The following PTPRD variants were observed in gnomAD, a reference collection of about 807,000 sequenced individuals.
PTPRD encodes receptor-type tyrosine-protein phosphatase delta.
In PTPRD, 34 loss-of-function variants were observed where a neutral mutation model predicts 214.5. That is an observed-to-expected ratio of 0.16 (90% CI 0.12 to 0.21). PTPRD has a LOEUF of 0.21. Among genes scored for constraint, PTPRD ranks in the 10% least tolerant of loss-of-function variants. The pLI, the probability that PTPRD is intolerant of heterozygous loss-of-function variation, is 1.00. For synonymous variants in PTPRD, 1,128 were observed against 845.7 expected (o/e 1.33, Z -5.79); for missense variants, 2,545 against 2,398.7 (o/e 1.06, Z -1.27).
intron 12 of PTPRD, among the ~76,000 whole-genome samples, chr9:8,728,554 G>C (rs1272754788): frequency 6.6e-6 from 1 of 152,186 alleles, no homozygotes; most frequent in Non-Finnish European, 1.5e-5. Context: ...TCTGCCTACT[G>C]AAATGTATGC....
intron 8 of PTPRD, among the ~76,000 whole-genome samples, chr9:9,456,602 A>T (rs1569568492): frequency 6.6e-6 from 1 of 151,886 alleles, no homozygotes; most frequent in Non-Finnish European, 1.5e-5. Context: ...TTAGCCTCTA[A>T]CTATCACCTC....
intron 3 of PTPRD, among the ~76,000 whole-genome samples, chr9:10,182,771 G>A (rs540564208): frequency 1.3e-5 from 2 of 152,256 alleles, no homozygotes; most frequent in South Asian, 4.1e-4. Context: ...TCAAGTGGGT[G>A]TATAAATTAG....
chr9:9,851,275 G>A (rs986753363), intron 5 of PTPRD, among the ~76,000 whole-genome samples: 2 of 152,208 alleles, frequency 1.3e-5, no homozygotes, highest in Non-Finnish European at 2.9e-5. Context: ...GGTTAATGCA[G>A]TATCGTATTG....
chr9:8,574,641 T>C (rs765334951), intron 14 of PTPRD, among the ~76,000 whole-genome samples: 4 of 152,002 alleles, frequency 2.6e-5, no homozygotes, highest in Non-Finnish European at 5.9e-5. Flanking sequence ...TCCACATACT[T>C]TGTTATTACT....
At chr9:9,877,999 A>G (rs988533642) in intron 5 of PTPRD, among the ~76,000 whole-genome samples, 1 of 144,064 alleles carries the variant, frequency 6.9e-6, no homozygotes, top group Non-Finnish European at 1.5e-5. Context: ...AAAAAAATGC[A>G]TGTTTGCCCT....
intron 11 of PTPRD, among the ~76,000 whole-genome samples, chr9:9,012,647 T>G (rs1324792434): frequency 1.3e-5 from 2 of 152,168 alleles, no homozygotes; most frequent in African/African-American, 4.8e-5. Context: ...CAAAACAGAC[T>G]TTGAAGGAGA....
At chr9:8,690,906 G>C (rs1196955047) in intron 12 of PTPRD, among the ~76,000 whole-genome samples, 1 of 152,118 alleles carries the variant, frequency 6.6e-6, no homozygotes, top group African/African-American at 2.4e-5. Context: ...TGAATATTAA[G>C]CAGACTTAAT....
intron 44 of PTPRD, among the ~76,000 whole-genome samples, chr9:8,326,430 G>A (rs557930088): frequency 1.7e-3 from 258 of 151,950 alleles, no homozygotes; most frequent in African/African-American, 5.5e-3. Context: ...CGACTTGATC[G>A]TGGTGGATAA....
chr9:8,471,994 T>C (rs745833714), intron 30 of PTPRD, among the ~76,000 whole-genome samples: 13 of 152,176 alleles, frequency 8.5e-5, no homozygotes, highest in Non-Finnish European at 1.5e-4. Context: ...TCAGGTATTA[T>C]AGTAAATGCA....
chr9:9,365,432 C>G (rs2057606801), intron 9 of PTPRD, among the ~76,000 whole-genome samples: 1 of 151,440 alleles, frequency 6.6e-6, no homozygotes, highest in South Asian at 2.1e-4. Flanking sequence ...CAATTTTTAA[C>G]AGAATATTGA....
chr9:9,175,500 G>A (rs2099924098), intron 10 of PTPRD, among the ~76,000 whole-genome samples: 1 of 151,654 alleles, frequency 6.6e-6, no homozygotes, highest in African/African-American at 2.4e-5. Flanking sequence ...GTGGGTGCCT[G>A]TAATCCCAGC....
At chr9:8,780,342 T>C (rs181549491) in intron 11 of PTPRD, among the ~76,000 whole-genome samples, 4 of 149,540 alleles carry the variant, frequency 2.7e-5, no homozygotes, top group Non-Finnish European at 3.0e-5. Context: ...TGTAAAAATA[T>C]TCCTTAAATA....
intron 7 of PTPRD, among the ~76,000 whole-genome samples, chr9:9,655,844 G>A (rs542061391): frequency 6.3e-4 from 96 of 152,102 alleles, no homozygotes; most frequent in African/African-American, 2.3e-3. Flanking sequence ...TGGGCGTGGT[G>A]GGAGGTGCCT....
chr9:8,631,134 T>C (rs990443868), intron 14 of PTPRD, among the ~76,000 whole-genome samples: 1 of 151,882 alleles, frequency 6.6e-6, no homozygotes, highest in African/African-American at 2.4e-5. Flanking sequence ...TGAAGTGAAC[T>C]ATGTATGTAT....
chr9:10,128,228 T>C (rs1591848983), intron 3 of PTPRD, among the ~76,000 whole-genome samples: 1 of 152,142 alleles, frequency 6.6e-6, no homozygotes, highest in Admixed American at 6.6e-5. Flanking sequence ...CAAATTAATA[T>C]GTTGAAGCCT....
chr9:8,636,974 G>A, intron 12 of PTPRD, 130 bp from the exon 13 acceptor site: 1 of 860,858 alleles, frequency 1.2e-6, no homozygotes, highest in Non-Finnish European at 1.7e-6. Context: ...ATGCACTATG[G>A]GATTACAAAA....
chr9:9,628,371 G>C (rs2095486543), intron 7 of PTPRD, among the ~76,000 whole-genome samples: 1 of 152,058 alleles, frequency 6.6e-6, no homozygotes, highest in African/African-American at 2.4e-5. Flanking sequence ...TCAATTGCCA[G>C]GTTCCCTTTT....
intron 3 of PTPRD, among the ~76,000 whole-genome samples, chr9:10,092,062 T>G (rs577732286): frequency 1.3e-5 from 2 of 151,418 alleles, no homozygotes; most frequent in South Asian, 4.2e-4. Flanking sequence ...AAGTAATGAT[T>G]AAAGGAAGAA....
At chr9:9,839,184 G>T (rs1342621469) in intron 5 of PTPRD, among the ~76,000 whole-genome samples, 1 of 151,730 alleles carries the variant, frequency 6.6e-6, no homozygotes, top group South Asian at 2.1e-4. Context: ...GTAGTATAGT[G>T]TTGGAAGTTC....
Sources: allele counts gnomAD v4.1 joint callset (sites outside exome capture counted in the v4.1 genomes callset), GRCh38; gene constraint gnomAD v4.1.1; transcripts MANE v1.5; gene names NCBI Gene and HGNC (gene_info 2026-07-23, HGNC 2026-07-21).